CEP128: variants seen among roughly 807,000 people sequenced by gnomAD.
CEP128 encodes centrosomal protein 128.
CEP128 carries 132 observed loss-of-function variants against 156.7 expected under a neutral mutation model. That is an observed-to-expected ratio of 0.84 (90% CI 0.73 to 0.97). The LOEUF (loss-of-function observed/expected upper bound fraction) is 0.97. Among genes scored for constraint, CEP128 ranks in the 50% least tolerant of loss-of-function variants. The pLI is 0.00. For missense variants in CEP128, 1,252 were observed against 1,281.9 expected (o/e 0.98, Z 0.36); for synonymous variants, 469 against 448.9 (o/e 1.04, Z -0.57).
chr14:80,924,103 C>G (rs1005498616), intron 2 of CEP128, among the ~76,000 whole-genome samples: 1 of 152,214 alleles, frequency 6.6e-6, no homozygotes, highest in African/African-American at 2.4e-5. Context: ...ATTACCCAAT[C>G]TCATGTCATA....
chr14:80,910,655 C>T (rs1884155196), intron 4 of CEP128, among the ~76,000 whole-genome samples: 1 of 152,046 alleles, frequency 6.6e-6, no homozygotes, highest in African/African-American at 2.4e-5. Context: ...TATAAATTAC[C>T]CAGTCTCAGG....
chr14:80,833,031 C>G (rs8009508), intron 12 of CEP128, among the ~76,000 whole-genome samples: 1 of 151,982 alleles, frequency 6.6e-6, no homozygotes, highest in Non-Finnish European at 1.5e-5. Flanking sequence ...CCAATAAAGT[C>G]TATTTACAAA....
At chr14:80,495,246 T>C (rs1354839696), downstream of CEP128, among the ~76,000 whole-genome samples, 1 of 152,186 alleles carries the variant, frequency 6.6e-6, no homozygotes, top group Non-Finnish European at 1.5e-5. Context: ...AGGAAAGAAG[T>C]TGTTGGCTTT....
At chr14:80,937,674 C>T (rs764648151) in intron 2 of CEP128, among the ~76,000 whole-genome samples, 2 of 151,700 alleles carry the variant, frequency 1.3e-5, no homozygotes, top group Non-Finnish European at 2.9e-5. Flanking sequence ...ATACATTTTA[C>T]GAAAAAAGAA....
At chr14:80,771,366 A>T (rs1006076638) in intron 16 of CEP128, among the ~76,000 whole-genome samples, 1 of 152,212 alleles carries the variant, frequency 6.6e-6, no homozygotes, top group Non-Finnish European at 1.5e-5. Context: ...GTGTTGAGCA[A>T]GTCACTATAT....
intron 8 of CEP128, among the ~76,000 whole-genome samples, chr14:80,870,429 A>C (rs1377964507): frequency 6.6e-6 from 1 of 152,118 alleles, no homozygotes; most frequent in African/African-American, 2.4e-5. Context: ...TTATCCCCAG[A>C]ATACAAAGCT....
At chr14:80,880,899 A>T (rs1387223618) in intron 8 of CEP128, among the ~76,000 whole-genome samples, 1 of 141,012 alleles carries the variant, frequency 7.1e-6, no homozygotes, top group Non-Finnish European at 1.5e-5. Context: ...TAATAATAAT[A>T]ATAATAATAA....
intron 8 of CEP128, among the ~76,000 whole-genome samples, chr14:80,883,019 T>C (rs951815599): frequency 3.9e-5 from 6 of 152,134 alleles, no homozygotes; most frequent in South Asian, 2.1e-4. Context: ...AAGAATTTAA[T>C]TGTACATTTT....
chr14:80,755,829 T>C (rs907499361), intron 18 of CEP128, among the ~76,000 whole-genome samples: 1 of 152,200 alleles, frequency 6.6e-6, no homozygotes, highest in Non-Finnish European at 1.5e-5. Flanking sequence ...CAGTGTGGTA[T>C]TTTTCATCAC....
chr14:80,706,674 TTG>T (rs1897249445), intron 19 of CEP128, among the ~76,000 whole-genome samples: 1 of 152,140 alleles, frequency 6.6e-6, no homozygotes, highest in African/African-American at 2.4e-5. Flanking sequence ...ATCTCTAGTT[TTG>T]TGTCTTTTAC....
chr14:80,714,270 A>G (rs1897519849), intron 19 of CEP128, among the ~76,000 whole-genome samples: 1 of 152,082 alleles, frequency 6.6e-6, no homozygotes, highest in South Asian at 2.1e-4. Flanking sequence ...TCATGAGTCC[A>G]TATAGGTTGC....
chr14:80,569,727 T>G (rs1891059327), intron 20 of CEP128, among the ~76,000 whole-genome samples: 1 of 152,242 alleles, frequency 6.6e-6, no homozygotes, highest in South Asian at 2.1e-4. Context: ...GGCAGGCACC[T>G]GTTTTTATAG....
rs373014765 is a variant in CEP128 at position 80,504,948 on chromosome 14, G to A, written c.3145C>T (p.Arg1049Cys). The A allele has an allele frequency of 7.7e-5, 124 of 1,605,000 alleles. No individual in the cohort carries two copies. The highest frequency in any genetic ancestry group is 1.0e-4 in the Non-Finnish European group (117 of 1,174,566). The change falls in exon 24 of 25, where the codon CGC (arginine) becomes TGC (cysteine). Residue 1049 changes from arginine (R) to cysteine (C), a missense_variant. Coordinates refer to ENST00000555265, the MANE Select transcript of CEP128 (RefSeq NM_152446.5). Reference protein sequence around the residue: ...DHSSSWQDHSRFLSSPRFSYV... With the variant: ...DHSSSWQDHSCFLSSPRFSYV... ...GAAAATCTTGGACTAGACAGGAAGC[G>A]ACTGTGATCCTGCCAAGAGGATGAG...
chr14:80,552,309 CA>C (rs10717714), intron 21 of CEP128, among the ~76,000 whole-genome samples: 55,752 of 137,222 alleles, frequency 0.41, 10,807 homozygotes, highest in East Asian at 0.51. Context: ...AACTCCATCT[CA>C]AAAAAAAAAA....
chr14:80,585,230 C>A (rs1353519736), intron 19 of CEP128, among the ~76,000 whole-genome samples: 2 of 152,206 alleles, frequency 1.3e-5, no homozygotes, highest in Non-Finnish European at 2.9e-5. Context: ...CTTTACATTT[C>A]TCTGGAACAC....
chr14:80,811,883 A>G (rs892370214), intron 13 of CEP128, among the ~76,000 whole-genome samples: 2 of 140,514 alleles, frequency 1.4e-5, no homozygotes, highest in Non-Finnish European at 3.1e-5. Context: ...TAAAGCAAAA[A>G]CTTTATCTTT....
intron 8 of CEP128, among the ~76,000 whole-genome samples, chr14:80,867,344 C>T (rs1887815619): frequency 6.6e-6 from 1 of 152,124 alleles, no homozygotes; most frequent in Admixed American, 6.6e-5. Context: ...CTCAGAATGG[C>T]ATGCAATTTA....
At chr14:80,732,951 TTGAC>T (rs10579169) in intron 19 of CEP128, among the ~76,000 whole-genome samples, 61,442 of 151,756 alleles carry the variant, frequency 0.4, 12,760 homozygotes, top group South Asian at 0.5. Context: ...ATATGTCAAC[TTGAC>T]TGAGCCACAG....
chr14:80,720,734 C>T (rs1488825477), intron 19 of CEP128, among the ~76,000 whole-genome samples: 2 of 152,172 alleles, frequency 1.3e-5, no homozygotes, highest in Non-Finnish European at 2.9e-5. Context: ...TAGACCTAGA[C>T]AACTTGGTCT....
Sources: allele counts gnomAD v4.1 joint callset (sites outside exome capture counted in the v4.1 genomes callset), GRCh38; gene constraint gnomAD v4.1.1; transcripts MANE v1.5; gene names NCBI Gene and HGNC (gene_info 2026-07-23, HGNC 2026-07-21).